FKBP5: variants seen among roughly 807,000 people sequenced by gnomAD.
FKBP5 encodes FKBP prolyl isomerase 5.
A neutral mutation model predicts 50.5 loss-of-function variants in FKBP5; 23 were observed. The observed-to-expected ratio is 0.46, with a 90% confidence interval of 0.33 to 0.65. The LOEUF (loss-of-function observed/expected upper bound fraction) is 0.65. Among genes scored for constraint, FKBP5 ranks in the 30% least tolerant of loss-of-function variants. FKBP5 has a pLI of 0.02. For missense variants in FKBP5, 411 were observed against 553.1 expected (o/e 0.74, Z 2.58); for synonymous variants, 176 against 190.6 (o/e 0.92, Z 0.63).
intron 3 of FKBP5, among the ~76,000 whole-genome samples, chr6:35,627,540 T>G (rs1325973245): frequency 6.6e-6 from 1 of 152,198 alleles, no homozygotes; most frequent in Non-Finnish European, 1.5e-5. Flanking sequence ...ATATAAGATT[T>G]GCAAACATTT....
Position 35,580,228 on chromosome 6 carries a change from T to C in FKBP5, c.841-7A>G, listed in dbSNP as rs1042572796. 1.6e-5 allele frequency: 25 copies of C among 1,605,938 alleles called. 1 individual carries two copies. Among genetic ancestry groups the C allele is most frequent in the Middle Eastern group, 1.7e-4 (1 of 6,030 alleles). ...CCTGCATGTATTTGCCTCCCTAGGA[T>C]AAAAAAGCGTCATTACTTGTACTCA... On this transcript the variant is annotated splice_polypyrimidine_tract_variant and splice_region_variant and intron_variant, in intron 8 of 10. Coordinates refer to ENST00000357266, the MANE Select transcript of FKBP5 (RefSeq NM_004117.4).
At chr6:35,622,300 A>C (rs1423828196) in intron 3 of FKBP5, among the ~76,000 whole-genome samples, 2 of 152,168 alleles carry the variant, frequency 1.3e-5, no homozygotes, top group Admixed American at 1.3e-4. Context: ...ACTTGAGCCC[A>C]AGAGTTTTAA....
intron 1 of FKBP5, among the ~76,000 whole-genome samples, chr6:35,678,105 A>G (rs948950561): frequency 6.6e-6 from 1 of 152,212 alleles, no homozygotes; most frequent in Non-Finnish European, 1.5e-5. Flanking sequence ...CAAAAAGATA[A>G]AGAGACATAA....
At chr6:35,698,020 A>G (rs1766113447) in intron 2 of FKBP5, among the ~76,000 whole-genome samples, 4 of 152,230 alleles carry the variant, frequency 2.6e-5, no homozygotes, top group Non-Finnish European at 5.9e-5. Context: ...TCACATTGCT[A>G]TAAAATACTT....
rs892238785 is a variant in FKBP5 at position 35,718,574 on chromosome 6, C to T, written c.-20+1754G>A. ...CTTCCCCTCTTTGGGCCCCTCATCTCCAATACAAAGGAGGTATAAGGCCCG... is the reference window on the plus strand; with the variant it reads ...CTTCCCCTCTTTGGGCCCCTCATCTTCAATACAAAGGAGGTATAAGGCCCG... On this transcript the variant is annotated intron_variant, in intron 2 of 11. Coordinates refer to the FKBP5 transcript ENST00000536438. 3.9e-5 allele frequency among the ~76,000 whole-genome samples: 6 copies of T among 152,170 alleles called. No individual in the cohort carries two copies. The East Asian group carries it at 1.2e-3, about 29-fold the overall frequency.
intron 1 of FKBP5, among the ~76,000 whole-genome samples, chr6:35,653,997 A>G (rs2150995932): frequency 6.6e-6 from 1 of 152,334 alleles, no homozygotes; most frequent in Admixed American, 6.5e-5. Flanking sequence ...TGTGTGTATA[A>G]GTACATGTGA....
At chr6:35,700,724 G>C (rs140078496) in intron 2 of FKBP5, among the ~76,000 whole-genome samples, 76 of 152,276 alleles carry the variant, frequency 5.0e-4, no homozygotes, top group African/African-American at 1.6e-3. Context: ...TTGGGAGGCC[G>C]AGGTGGGCGG....
intron 3 of FKBP5, 35 bp from the exon 4 acceptor site, chr6:35,620,309 G>A (rs1763793477): frequency 2.5e-6 from 4 of 1,585,550 alleles, no homozygotes; most frequent in African/African-American, 1.4e-5. Flanking sequence ...AAAGCTATAA[G>A]CCCTATTTAA....
At position 35,574,690 on chromosome 6, in the gene FKBP5, T is replaced by A. The variant is rs1048441615; in HGVS notation, c.*1145A>T. The A allele has an allele frequency of 6.5e-5, 10 of 152,734 alleles. No homozygotes were observed. The highest frequency in any genetic ancestry group is 2.4e-4 in the African/African-American group (10 of 41,574). The allele number at this position is 152,734 out of a possible 1,614,324, so 9.5% of individuals were successfully genotyped here. A position where few individuals can be genotyped will look rare whatever the true frequency, so the allele number is the denominator to read the frequency against. On this transcript the variant is annotated 3_prime_UTR_variant, in exon 11 of 11. Transcript: ENST00000357266. Reference sequence around the variant, plus strand: ...CCTAGTGTAGAAGAGCAACTATTTATTTGTCAACCCTACAGATTTTGTTTT... The same window carrying A: ...CCTAGTGTAGAAGAGCAACTATTTAATTGTCAACCCTACAGATTTTGTTTT...
At chr6:35,587,219 T>G in intron 7 of FKBP5, 102 bp from the exon 8 acceptor site, 1 of 1,022,792 alleles carries the variant, frequency 9.8e-7, no homozygotes, top group Non-Finnish European at 1.5e-6. Flanking sequence ...TACTCCAAAC[T>G]GAAAACACTC....
At chr6:35,609,131 C>T (rs1184178962) in intron 5 of FKBP5, among the ~76,000 whole-genome samples, 1 of 152,154 alleles carries the variant, frequency 6.6e-6, no homozygotes, top group Non-Finnish European at 1.5e-5. Flanking sequence ...TACAGCTCTA[C>T]TGCTTCAGAG....
intron 2 of FKBP5, among the ~76,000 whole-genome samples, chr6:35,700,438 A>G (rs931906262): frequency 3.9e-5 from 6 of 152,232 alleles, no homozygotes; most frequent in African/African-American, 1.4e-4. Flanking sequence ...ATCAAGGGAT[A>G]CACAGGATAT....
chr6:35,625,479 G>A (rs1234080194), intron 3 of FKBP5, among the ~76,000 whole-genome samples: 1 of 151,320 alleles, frequency 6.6e-6, no homozygotes, highest in Non-Finnish European at 1.5e-5. Flanking sequence ...GCTCACGCCT[G>A]TAATCTCAGC....
At chr6:35,588,922 TG>T (rs1762704342) in intron 7 of FKBP5, among the ~76,000 whole-genome samples, 1 of 151,100 alleles carries the variant, frequency 6.6e-6, no homozygotes, top group African/African-American at 2.4e-5. Context: ...TAAATTTTTT[TG>T]CAGAGAGGGG....
rs541184495 is a variant in FKBP5, at chr6:35,630,765, C to CA, written c.250+6248dup. ...GTACCTTAGTCTGTAATATAGTAAA[C>CA]AAAAAATCACATCAAACCAAAAATG... is the stretch of plus-strand genomic sequence containing the variant. On this transcript the variant is annotated intron_variant, in intron 3 of 10. Transcript: ENST00000357266. Among the ~76,000 whole-genome samples the CA allele has an allele frequency of 7.9e-5, 12 of 152,120 alleles. No individual in the cohort carries two copies. In the South Asian group the frequency reaches 2.3e-3, roughly 29 times the overall value.
chr6:35,637,213 A>G (rs530573041), intron 2 of FKBP5, 55 bp from the exon 3 acceptor site: 1 of 1,528,412 alleles, frequency 6.5e-7, no homozygotes, highest in South Asian at 1.2e-5. Flanking sequence ...TTGTAATCAG[A>G]GAATAAAAAG....
At chr6:35,583,370 G>C (rs1204806390) in intron 8 of FKBP5, 1 of 985,338 alleles carries the variant, frequency 1.0e-6, no homozygotes, top group African/African-American at 1.7e-5. Context: ...AATCAGAATG[G>C]TAGAAGGCCA....
chr6:35,711,486 C>T (rs551651499), intron 2 of FKBP5, among the ~76,000 whole-genome samples: 6 of 151,872 alleles, frequency 4.0e-5, no homozygotes, highest in South Asian at 4.2e-4. Flanking sequence ...GGCTTGGTGG[C>T]GGGTGCCTGT....
Position 35,582,649 on chromosome 6 carries a change from G to A in FKBP5, c.841-2428C>T, listed in dbSNP as rs1031749407. ...TGTTGTTGAAGCCACCCAGTGTATG[G>A]TATTTTACTGTGGCAGCCCAAGCTA... On this transcript the variant is annotated intron_variant, in intron 8 of 10. Transcript: ENST00000357266. The A allele has an allele frequency of 2.6e-5, 26 of 983,940 alleles. No individual in the cohort carries two copies. The African/African-American group carries it at 3.9e-4, about 15-fold the overall frequency. 61.0% of individuals were successfully genotyped at this position (983,940 alleles called of 1,614,324 possible). A position where few individuals can be genotyped will look rare whatever the true frequency, so the allele number is the denominator to read the frequency against.
Sources: gnomAD v4.1 joint callset for allele counts (sites outside exome capture counted in the v4.1 genomes callset) on GRCh38, gnomAD v4.1.1 for gene constraint, MANE v1.5 for transcripts, NCBI Gene and HGNC (gene_info 2026-07-23, HGNC 2026-07-21) for gene names.